ANO5: variants seen among roughly 807,000 people sequenced by gnomAD.
The protein encoded by ANO5 is anoctamin 5.
A neutral mutation model predicts 121.0 loss-of-function variants in ANO5; 109 were observed. That is an observed-to-expected ratio of 0.90 (90% CI 0.77 to 1.06). The LOEUF (loss-of-function observed/expected upper bound fraction) is 1.06. Ranked by LOEUF, ANO5 falls within the 50% of genes least tolerant of loss-of-function variation. The pLI, the probability that ANO5 is intolerant of heterozygous loss-of-function variation, is 0.00. For missense variants in ANO5, 1,064 were observed against 1,078.5 expected (o/e 0.99, Z 0.19); for synonymous variants, 406 against 359.9 (o/e 1.13, Z -1.45).
chr11:22,269,471 AAAG>A (rs1200233080), intron 17 of ANO5, among the ~76,000 whole-genome samples: 5 of 72,682 alleles, frequency 6.9e-5, no homozygotes, highest in African/African-American at 1.2e-4. Flanking sequence ...GAAGGAGAAA[AAAG>A]AAAAGAAAGG....
rs281865466 is a variant in ANO5 at position 22,272,855 on chromosome 11, A to C, written c.2101A>C (p.Asn701His). 3 of 1,614,088 alleles carry C rather than the reference A, an allele frequency of 1.9e-6. No individual in the cohort carries two copies. The highest frequency in any genetic ancestry group is 4.5e-5 in the East Asian group (2 of 44,866). Residue 701 changes from asparagine (N) to histidine (H), a missense_variant, in exon 19 of 22, where the codon AAT becomes CAT. Coordinates refer to ENST00000324559, the MANE Select transcript of ANO5 (RefSeq NM_213599.3). The part of the protein sequence containing the change: ...PLAPLLALIN[N>H]IVEIRVDAWK... ...GGCTCCTCTTCTTGCTCTCATAAAT[A>C]ATATTGTAGAGATTCGAGTGGATGC... is the stretch of plus-strand genomic sequence containing the variant.
At chr11:22,267,686 G>A (rs189831198) in intron 17 of ANO5, among the ~76,000 whole-genome samples, 2 of 151,624 alleles carry the variant, frequency 1.3e-5, no homozygotes, top group East Asian at 3.9e-4. Flanking sequence ...TGTCATGGGG[G>A]TTTGTTGTAT....
intron 7 of ANO5, among the ~76,000 whole-genome samples, chr11:22,228,093 C>T (rs565432470): frequency 6.6e-6 from 1 of 151,986 alleles, no homozygotes; most frequent in Admixed American, 6.6e-5. Flanking sequence ...ATTTGAAGTC[C>T]TAGGATCTTT....
chr11:22,210,620 C>G (rs1352037088), intron 2 of ANO5, among the ~76,000 whole-genome samples: 4 of 151,866 alleles, frequency 2.6e-5, no homozygotes, highest in Non-Finnish European at 4.4e-5. Flanking sequence ...GGTCTGTGTC[C>G]TGTGGTGTGT....
In ANO5 at chr11:22,194,212, G is replaced by A. The variant is rs190827521; in HGVS notation, c.40+680G>A. ...GCCTTTACACCACCTGTATTCCGTG[G>A]ACCTATTTTAATACATGTATTTTCC... On this transcript the variant is annotated intron_variant, in intron 1 of 21. Coordinates refer to ENST00000324559, the MANE Select transcript of ANO5 (RefSeq NM_213599.3). 2.2e-4 allele frequency among the ~76,000 whole-genome samples: 33 copies of A among 152,210 alleles called. No homozygotes were observed. The East Asian group carries it at 6.0e-3, about 28-fold the overall frequency.
At chr11:22,220,841 A>G (rs545191179) in intron 4 of ANO5, among the ~76,000 whole-genome samples, 1 of 151,942 alleles carries the variant, frequency 6.6e-6, no homozygotes, top group East Asian at 1.9e-4. Context: ...ATTTATACAT[A>G]TATTCATTTC....
At chr11:22,273,332 G>A (rs1355340645) in intron 19 of ANO5, among the ~76,000 whole-genome samples, 1 of 152,048 alleles carries the variant, frequency 6.6e-6, no homozygotes, top group African/African-American at 2.4e-5. Context: ...TTTACCTGTT[G>A]TGTTTATGAA....
At chr11:22,228,562 A>G (rs1002935891) in intron 7 of ANO5, among the ~76,000 whole-genome samples, 1 of 151,912 alleles carries the variant, frequency 6.6e-6, no homozygotes, top group African/African-American at 2.4e-5. Context: ...TCATCCTACT[A>G]TGCAATAGAA....
chr11:22,249,846 AT>A (rs1853741678), intron 9 of ANO5, among the ~76,000 whole-genome samples: 1 of 152,128 alleles, frequency 6.6e-6, no homozygotes, highest in African/African-American at 2.4e-5. Context: ...TATGGTTTTG[AT>A]TTGTTAAGTT....
At chr11:22,222,590 C>T (rs905616137) in intron 5 of ANO5, among the ~76,000 whole-genome samples, 12 of 151,916 alleles carry the variant, frequency 7.9e-5, no homozygotes, top group African/African-American at 2.9e-4. Flanking sequence ...TTTTGCTGCT[C>T]TTATTCCCCT....
intron 6 of ANO5, 50 bp from the exon 7 acceptor site, chr11:22,227,251 TA>T (rs769884614): frequency 1.3e-6 from 2 of 1,599,782 alleles, no homozygotes; most frequent in African/African-American, 2.7e-5. Flanking sequence ...ATCAGCTCAA[TA>T]ACAAACTGAT....
chr11:22,219,659 C>T (rs756633751), intron 4 of ANO5, among the ~76,000 whole-genome samples: 16 of 151,912 alleles, frequency 1.1e-4, no homozygotes, highest in South Asian at 8.3e-4. Flanking sequence ...AAGATGCTAA[C>T]GCTGTGATGA....
intron 9 of ANO5, among the ~76,000 whole-genome samples, chr11:22,240,789 C>T (rs1485437152): frequency 1.5e-5 from 2 of 132,812 alleles, no homozygotes; most frequent in Non-Finnish European, 3.4e-5. Flanking sequence ...TTTTGTGTTC[C>T]TGCATAAAAA....
chr11:22,225,518 A>G lies in ANO5; in HGVS notation c.295-466A>G, dbSNP rs80354649. On this transcript the variant is annotated intron_variant, in intron 5 of 21. Transcript: ENST00000324559. ...ACCCAAGTGGTTATTTTCAGTAATG[A>G]CCTATAGTTAAATGTAAGTTTACTT... 0.017 allele frequency among the ~76,000 whole-genome samples: 2,576 copies of G among 152,192 alleles called. 153 individuals are homozygous for G. In the East Asian group the frequency reaches 0.21, roughly 13 times the overall value.
At chr11:22,252,062 A>T (rs7948670) in intron 12 of ANO5, among the ~76,000 whole-genome samples, 1 of 127,886 alleles carries the variant, frequency 7.8e-6, no homozygotes. Context: ...AAAAAAAACT[A>T]GGCAAGGGCT....
intron 5 of ANO5, among the ~76,000 whole-genome samples, chr11:22,222,585 C>G (rs1457323933): frequency 6.6e-6 from 1 of 151,910 alleles, no homozygotes; most frequent in Non-Finnish European, 1.5e-5. Flanking sequence ...CTGCTTTTTG[C>G]TGCTCTTATT....
In ANO5 at chr11:22,257,712, T is replaced by C; in HGVS notation, c.1365T>C (p.Arg455=). Residue 455 remains arginine, a synonymous_variant, in exon 14 of 22, where the codon CGT becomes CGC. Transcript: ENST00000324559. ...EMEPYMPLYT[R]IPWYFLSGAT... is the part of the protein sequence containing the mutation. ...AACCTTACATGCCTCTATACACGCG[T>C]ATTCCATGGTACTTTCTTTCAGGAG... The C allele has an allele frequency of 3.7e-6, 6 of 1,612,862 alleles. No individual in the cohort carries two copies. Among genetic ancestry groups the C allele is most frequent in the East Asian group, 4.5e-5 (2 of 44,832 alleles).
intron 20 of ANO5, among the ~76,000 whole-genome samples, chr11:22,275,650 C>T (rs1026778591): frequency 3.3e-5 from 5 of 151,594 alleles, no homozygotes; most frequent in Non-Finnish European, 7.4e-5. Flanking sequence ...ATCAGAACAG[C>T]CAAGAGAAAA....
At chr11:22,243,067 T>C (rs1210406521) in intron 9 of ANO5, among the ~76,000 whole-genome samples, 1 of 152,116 alleles carries the variant, frequency 6.6e-6, no homozygotes, top group Non-Finnish European at 1.5e-5. Flanking sequence ...TATTTTGAGG[T>C]ATGTTCATTC....
Sources: gnomAD v4.1 joint callset for allele counts (sites outside exome capture counted in the v4.1 genomes callset) on GRCh38, gnomAD v4.1.1 for gene constraint, MANE v1.5 for transcripts, NCBI Gene and HGNC (gene_info 2026-07-23, HGNC 2026-07-21) for gene names.